The following BAALC variants were observed in gnomAD, a reference collection of about 807,000 sequenced individuals.
BAALC encodes BAALC binder of MAP3K1 and KLF4.
A neutral mutation model predicts 15.5 loss-of-function variants in BAALC; 9 were observed. The observed-to-expected ratio is 0.58, with a 90% CI of 0.35 to 1.02. BAALC has a LOEUF of 1.02. Among genes scored for constraint, BAALC ranks in the 50% least tolerant of loss-of-function variants. The pLI, the probability that BAALC is intolerant of heterozygous loss-of-function variation, is 0.02. For missense variants in BAALC, 201 were observed against 192.4 expected, an observed-to-expected ratio of 1.04 and a Z score of -0.27; for synonymous variants, 80 against 74.6, an observed-to-expected ratio of 1.07 and a Z score of -0.37.
chr8:103,206,291 T>C (rs1179983002), intron 1 of BAALC, among the ~76,000 whole-genome samples: 1 of 152,172 alleles, frequency 6.6e-6, no homozygotes, highest in African/African-American at 2.4e-5. Context: ...TGTAACTCTC[T>C]ACTCAACAAC....
intron 1 of BAALC, among the ~76,000 whole-genome samples, chr8:103,205,712 T>C (rs1812312399): frequency 6.6e-6 from 1 of 152,182 alleles, no homozygotes; most frequent in Admixed American, 6.5e-5. Context: ...GAGATCTGCA[T>C]TTTAACAGAC....
At chr8:103,157,669 G>A (rs1468000254) in intron 1 of BAALC, among the ~76,000 whole-genome samples, 1 of 152,102 alleles carries the variant, frequency 6.6e-6, no homozygotes, top group African/African-American at 2.4e-5. Context: ...TAAAAAATTA[G>A]CCAAGCATGG....
At chr8:103,186,334 T>C (rs944974021) in intron 1 of BAALC, among the ~76,000 whole-genome samples, 6 of 152,138 alleles carry the variant, frequency 3.9e-5, no homozygotes, top group Admixed American at 1.3e-4. Context: ...GATAAGGAAA[T>C]TGAGACTTGC....
At position 103,183,321 on chromosome 8, in the gene BAALC, T is replaced by A. The variant is rs756007384; in HGVS notation, c.161-29598T>A. 7.4e-5 allele frequency: 52 copies of A among 702,736 alleles called. 4 individuals are homozygous for A. In the South Asian group the frequency reaches 7.7e-4, roughly 10 times the overall value. 43.5% of individuals were successfully genotyped at this position (702,736 alleles called of 1,614,324 possible). A position where few individuals can be genotyped will look rare whatever the true frequency, so the allele number is the denominator to read the frequency against. ...TGGAATGTCTTATTTCCCTTTTGAG[T>A]CCTAACCACTTCCACTGTTCTTATT... is the stretch of plus-strand genomic sequence containing the variant. On this transcript the variant is annotated intron_variant, in intron 1 of 2. Coordinates refer to ENST00000309982, the MANE Select transcript of BAALC (RefSeq NM_024812.3).
chr8:103,159,285 C>T (rs1169682434), intron 1 of BAALC, among the ~76,000 whole-genome samples: 1 of 152,298 alleles, frequency 6.6e-6, no homozygotes, highest in East Asian at 1.9e-4. Flanking sequence ...TTCTCATCAG[C>T]TTTCTACCTA....
chr8:103,141,501 C>G (rs545195407), intron 1 of BAALC: 1 of 162,560 alleles, frequency 6.2e-6, no homozygotes, highest in South Asian at 2.0e-4. Context: ...TGGTGCCCCT[C>G]TCTCCCTGGA....
intron 1 of BAALC, among the ~76,000 whole-genome samples, chr8:103,152,096 C>A (rs143824297): frequency 1.1e-3 from 169 of 152,216 alleles, no homozygotes; most frequent in African/African-American, 3.9e-3. Context: ...GCAGAACGAT[C>A]TTTTAAAAAC....
At chr8:103,170,003 T>G (rs1203673617) in intron 1 of BAALC, among the ~76,000 whole-genome samples, 1 of 152,122 alleles carries the variant, frequency 6.6e-6, no homozygotes, top group African/African-American at 2.4e-5. Context: ...TCAAGTTTCC[T>G]TTTTTTCCCC....
intron 1 of BAALC, among the ~76,000 whole-genome samples, chr8:103,207,207 C>T (rs75812634): frequency 1.3e-5 from 2 of 152,086 alleles, no homozygotes; most frequent in African/African-American, 4.8e-5. Flanking sequence ...TCTTTCCACT[C>T]TTAGTTCTTA....
chr8:103,189,959 A>G (rs2129998383), intron 1 of BAALC, among the ~76,000 whole-genome samples: 1 of 152,312 alleles, frequency 6.6e-6, no homozygotes, highest in South Asian at 2.1e-4. Context: ...GCAGTAATCT[A>G]GAGGTTAGAT....
chr8:103,224,513 T>C (rs1181250487), intron 2 of BAALC, among the ~76,000 whole-genome samples: 1 of 152,034 alleles, frequency 6.6e-6, no homozygotes, highest in African/African-American at 2.4e-5. Context: ...AGACCTAGGA[T>C]CAATAGAAAA....
chr8:103,185,161 T>C (rs1811806022), intron 1 of BAALC, among the ~76,000 whole-genome samples: 1 of 152,030 alleles, frequency 6.6e-6, no homozygotes, highest in South Asian at 2.1e-4. Flanking sequence ...AAAAGCGTAA[T>C]TTGAAGCCTC....
chr8:103,170,733 G>T (rs1811464090), intron 1 of BAALC, among the ~76,000 whole-genome samples: 2 of 152,110 alleles, frequency 1.3e-5, no homozygotes, highest in Non-Finnish European at 2.9e-5. Flanking sequence ...CCCAGTTTTT[G>T]GTTCTTTGTT....
intron 1 of BAALC, among the ~76,000 whole-genome samples, chr8:103,143,744 C>A (rs1810830412): frequency 6.6e-6 from 1 of 152,178 alleles, no homozygotes; most frequent in Admixed American, 6.5e-5. Context: ...GAAGCTAATT[C>A]ATCTTTGCAT....
rs1308364008 is a variant in BAALC at position 103,157,784 on chromosome 8, G to A, written c.160+16727G>A. On this transcript the variant is annotated intron_variant, in intron 1 of 2. Transcript: ENST00000309982. Reference sequence around the variant, plus strand: ...ATTACACCACTGCACTCCAGCCAGGGCAACAGAGCAAGACCCTGTTTCAAA... The same window carrying A: ...ATTACACCACTGCACTCCAGCCAGGACAACAGAGCAAGACCCTGTTTCAAA... 3.3e-5 allele frequency among the ~76,000 whole-genome samples: 5 copies of A among 152,128 alleles called. No individual in the cohort carries two copies. The South Asian group carries it at 1.0e-3, about 32-fold the overall frequency.
intron 1 of BAALC, among the ~76,000 whole-genome samples, chr8:103,203,196 G>C (rs1304201194): frequency 2.0e-5 from 3 of 152,210 alleles, no homozygotes; most frequent in African/African-American, 7.2e-5. Flanking sequence ...GCCAACGGCA[G>C]ATGTTACAGG....
At chr8:103,151,121 G>A (rs1053411026) in intron 1 of BAALC, among the ~76,000 whole-genome samples, 2 of 151,494 alleles carry the variant, frequency 1.3e-5, no homozygotes, top group African/African-American at 2.4e-5. Flanking sequence ...GGGTTCAAGC[G>A]ATTCTCCTCC....
intron 1 of BAALC, among the ~76,000 whole-genome samples, chr8:103,143,912 C>G (rs562517000): frequency 6.6e-6 from 1 of 152,152 alleles, no homozygotes; most frequent in African/African-American, 2.4e-5. Context: ...ATCAATTTAG[C>G]CTGAATTCTT....
At chr8:103,155,756 ACTT>A (rs1359554945) in intron 1 of BAALC, among the ~76,000 whole-genome samples, 1 of 152,154 alleles carries the variant, frequency 6.6e-6, no homozygotes, top group Non-Finnish European at 1.5e-5. Flanking sequence ...CACCCCAGGC[ACTT>A]CTGATTTGGT....
Sources: allele counts gnomAD v4.1 joint callset (sites outside exome capture counted in the v4.1 genomes callset), GRCh38; gene constraint gnomAD v4.1.1; transcripts MANE v1.5; gene names NCBI Gene and HGNC (gene_info 2026-07-23, HGNC 2026-07-21).